IGF1R: variants seen among roughly 807,000 people sequenced by gnomAD.
IGF1R encodes the protein insulin like growth factor 1 receptor.
In IGF1R, 44 loss-of-function variants were observed where a neutral mutation model predicts 144.6. That is an observed-to-expected ratio of 0.30 (90% CI 0.24 to 0.39). The LOEUF (loss-of-function observed/expected upper bound fraction) is 0.39, where lower values mean the gene tolerates loss of function less well. Ranked by LOEUF, IGF1R falls within the 10% of genes least tolerant of loss-of-function variation. IGF1R has a pLI of 1.00. For missense variants in IGF1R, 1,355 were observed against 1,833.7 expected (o/e 0.74, Z 4.77); for synonymous variants, 795 against 722.8 (o/e 1.10, Z -1.60).
At chr15:98,809,537 C>A (rs925654617) in intron 2 of IGF1R, among the ~76,000 whole-genome samples, 10 of 152,136 alleles carry the variant, frequency 6.6e-5, no homozygotes, top group African/African-American at 2.2e-4. Context: ...GAACTGGCAG[C>A]GCGTTGGCAT....
Position 98,959,240 on chromosome 15 carries a change from C to T in IGF1R, c.*1798C>T, listed in dbSNP as rs1028029888. 2 of 233,514 alleles carry T rather than the reference C, an allele frequency of 8.6e-6. No homozygotes were observed. Among genetic ancestry groups the T allele is most frequent in the South Asian group, 3.6e-4 (2 of 5,536 alleles). 14.5% of individuals were successfully genotyped at this position (233,514 alleles called of 1,614,324 possible). On this transcript the variant is annotated 3_prime_UTR_variant, in exon 21 of 21. Transcript: ENST00000650285. ...TTCTTGGGTACAACAGCAGTGTTAA[C>T]CGCAGACACTAGGCATTTGGATTAC...
chr15:98,743,614 G>A (rs1415185794), intron 2 of IGF1R, among the ~76,000 whole-genome samples: 1 of 152,170 alleles, frequency 6.6e-6, no homozygotes, highest in African/African-American at 2.4e-5. Flanking sequence ...ACCTGGAGGC[G>A]GGCCACATGG....
chr15:98,818,129 T>C (rs980753345), intron 2 of IGF1R, among the ~76,000 whole-genome samples: 3 of 152,166 alleles, frequency 2.0e-5, no homozygotes, highest in African/African-American at 7.2e-5. Flanking sequence ...CCTCATTTGA[T>C]CTTAATTGTC....
chr15:98,923,999 G>C lies in IGF1R; in HGVS notation c.2609G>C (p.Gly870Ala). 6.2e-7 allele frequency: 1 copy of C among 1,614,106 alleles called. No individual in the cohort carries two copies. Among genetic ancestry groups the C allele is most frequent in the Non-Finnish European group, 8.5e-7 (1 of 1,179,934 alleles). ...GLILMYEIKYGSQVEDQRECV... is the reference protein window; with the variant it reads ...GLILMYEIKYASQVEDQRECV... ...ATTCTAATGTATGAAATAAAATACG[G>C]ATCACAAGTTGAGGTAGGACTGGGG... Residue 870 changes from glycine (G) to alanine (A), a missense_variant, in exon 12 of 21, where the codon GGA becomes GCA. Physicochemically the swap from Gly to Ala is moderately conservative, Grantham distance 60. Around this residue, in one of 7 missense-constraint regions of IGF1R, gnomAD observed 880 missense variants for 1,202.7 expected, o/e 0.73. Coordinates refer to ENST00000650285, the MANE Select transcript of IGF1R (RefSeq NM_000875.5).
chr15:98,869,513 G>T (rs932900364), intron 2 of IGF1R, among the ~76,000 whole-genome samples: 1 of 147,584 alleles, frequency 6.8e-6, no homozygotes, highest in East Asian at 2.0e-4. Flanking sequence ...CCGGCTCACC[G>T]CAACCTCCAC....
rs556222105 is a variant in IGF1R, at chr15:98,704,008, C to T, written c.95-3554C>T. Reference sequence around the variant, plus strand: ...AAATTCCACACCTGACCTCATGTGACGGGTCACTTTTCGAAACTCAGGCAC... The same window carrying T: ...AAATTCCACACCTGACCTCATGTGATGGGTCACTTTTCGAAACTCAGGCAC... On this transcript the variant is annotated intron_variant, in intron 1 of 20. Coordinates refer to ENST00000650285, the MANE Select transcript of IGF1R (RefSeq NM_000875.5). This position sits in a 1 kb window ranked among gnomAD's most constrained non-coding sequence, Gnocchi z 4.9. Among the ~76,000 whole-genome samples the T allele has an allele frequency of 6.6e-6, 1 of 152,206 alleles. No individual in the cohort carries two copies. Among genetic ancestry groups the T allele is most frequent in the South Asian group, 2.1e-4 (1 of 4,820 alleles).
rs151012260 is a variant in IGF1R at position 98,680,797 on chromosome 15, C to T, written c.95-26765C>T. ...ATGTTGCCTAGGCTGGTCTTGAACT[C>T]TTGGTGTCAAGCAAGTGCTTGGCCT... is the stretch of plus-strand genomic sequence containing the variant. On this transcript the variant is annotated intron_variant, in intron 1 of 20. Coordinates refer to ENST00000650285, the MANE Select transcript of IGF1R (RefSeq NM_000875.5). Among the ~76,000 whole-genome samples the T allele has an allele frequency of 6.3e-3, 954 of 150,622 alleles. 4 individuals are homozygous for T. The highest frequency in any genetic ancestry group is 0.011 in the Non-Finnish European group (727 of 67,844).
chr15:98,753,828 C>G (rs551878194), intron 2 of IGF1R, among the ~76,000 whole-genome samples: 1 of 152,254 alleles, frequency 6.6e-6, no homozygotes, highest in South Asian at 2.1e-4. Flanking sequence ...TGGGAGGTCT[C>G]TCTTGTATGT....
At chr15:98,815,094 T>TA (rs1489227615) in intron 2 of IGF1R, among the ~76,000 whole-genome samples, 2 of 152,242 alleles carry the variant, frequency 1.3e-5, no homozygotes, top group African/African-American at 4.8e-5. Context: ...GTTAAGAAGA[T>TA]ACATGACATA....
intron 13 of IGF1R, among the ~76,000 whole-genome samples, chr15:98,928,812 G>A (rs2015827435): frequency 6.6e-6 from 1 of 152,114 alleles, no homozygotes; most frequent in Non-Finnish European, 1.5e-5. Context: ...TGCCATACAA[G>A]TGCTGGTTCT....
intron 5 of IGF1R, among the ~76,000 whole-genome samples, chr15:98,904,924 G>C (rs911554193): frequency 6.6e-6 from 1 of 152,156 alleles, no homozygotes; most frequent in Non-Finnish European, 1.5e-5. Flanking sequence ...CTTTTGTGGG[G>C]TGATTAAAAG....
At chr15:98,876,600 GTGTTT>G (rs747749112) in intron 2 of IGF1R, among the ~76,000 whole-genome samples, 16 of 152,208 alleles carry the variant, frequency 1.1e-4, no homozygotes, top group Non-Finnish European at 1.6e-4. Context: ...GGAATGGCAA[GTGTTT>G]TGTTTTTGTT....
chr15:98,836,444 A>G (rs1389835805), intron 2 of IGF1R, among the ~76,000 whole-genome samples: 2 of 151,692 alleles, frequency 1.3e-5, no homozygotes, highest in Non-Finnish European at 2.9e-5. Flanking sequence ...CGCATGAGCC[A>G]GGAGTTCCAG....
At position 98,957,292 on chromosome 15, in the gene IGF1R, CAG is replaced by C; in HGVS notation, c.3956_3957del (p.Arg1319ThrfsTer54). 6.2e-7 allele frequency: 1 copy of C among 1,613,782 alleles called. No individual in the cohort carries two copies. Among genetic ancestry groups the C allele is most frequent in the Non-Finnish European group, 8.5e-7 (1 of 1,179,792 alleles). ...ASSSSLPLPD[R>X]HSGHKAENGP... ...CCTCGTCCTCCCTGCCACTGCCCGA[CAG>C]ACACTCAGGACACAAGGCCGAGAAC... On this transcript the variant is annotated frameshift_variant, in exon 21 of 21. Transcript: ENST00000650285. LOFTEE classifies it high-confidence loss of function.
At chr15:98,857,952 T>C (rs1012020936) in intron 2 of IGF1R, among the ~76,000 whole-genome samples, 1 of 152,210 alleles carries the variant, frequency 6.6e-6, no homozygotes, top group Admixed American at 6.5e-5. Flanking sequence ...AGCTGTCTAA[T>C]TGTACACATT....
chr15:98,775,268 C>T (rs2055683696), intron 2 of IGF1R, among the ~76,000 whole-genome samples: 1 of 152,114 alleles, frequency 6.6e-6, no homozygotes, highest in African/African-American at 2.4e-5. Context: ...TGTCCTGCCC[C>T]ATCTCTGTTT....
intron 2 of IGF1R, among the ~76,000 whole-genome samples, chr15:98,842,539 A>G (rs2011192829): frequency 6.6e-6 from 1 of 152,204 alleles, no homozygotes; most frequent in South Asian, 2.1e-4. Context: ...AGGTTGATGT[A>G]ATTGATGTGT....
At chr15:98,672,218 A>AAAATG (rs2052911154) in intron 1 of IGF1R, among the ~76,000 whole-genome samples, 1 of 152,248 alleles carries the variant, frequency 6.6e-6, no homozygotes, top group East Asian at 1.9e-4. Context: ...AGTAACCAAG[A>AAAATG]AAATGATGGA....
At chr15:98,889,455 G>A (rs1415917317) in intron 2 of IGF1R, among the ~76,000 whole-genome samples, 2 of 152,194 alleles carry the variant, frequency 1.3e-5, no homozygotes, top group Non-Finnish European at 2.9e-5. Flanking sequence ...AATGTTAAGG[G>A]TGCTCATGAA....
Sources: allele counts gnomAD v4.1 joint callset (sites outside exome capture counted in the v4.1 genomes callset), GRCh38; gene constraint gnomAD v4.1.1; regional missense constraint gnomAD v4.1.1; non-coding constraint Gnocchi (gnomAD v3.1); transcripts MANE v1.5; gene names NCBI Gene and HGNC (gene_info 2026-07-23, HGNC 2026-07-21).